Variants in PCDH11X observed in about 807,000 individuals in gnomAD.
The protein encoded by PCDH11X is protocadherin-11 X-linked.
In PCDH11X, 18 loss-of-function variants were observed where a neutral mutation model predicts 53.3. That is an observed-to-expected ratio of 0.34 (90% CI 0.23 to 0.50). The LOEUF is 0.50. PCDH11X is among the 20% of genes least tolerant of loss of function. The pLI, the probability that PCDH11X is intolerant of heterozygous loss-of-function variation, is 0.98. For synonymous variants in PCDH11X, 279 were observed against 393.3 expected (o/e 0.71, Z 3.44); for missense variants, 570 against 1,032.4 (o/e 0.55, Z 6.14).
chrX:92,013,073 A>G (rs1319772923), intron 6 of PCDH11X, among the ~76,000 whole-genome samples: 2 of 111,415 alleles, frequency 1.8e-5, no homozygotes, highest in Non-Finnish European at 3.8e-5. Context: ...TTCAATTAGG[A>G]AAAGAGGAAG....
At chrX:92,354,824 AAG>A (rs1194407388) in intron 8 of PCDH11X, among the ~76,000 whole-genome samples, 1 of 111,750 alleles carries the variant, frequency 8.9e-6, no homozygotes, top group African/African-American at 3.3e-5. Flanking sequence ...TACTCAGTAA[AAG>A]AGAGAAATTC....
At chrX:91,844,554 T>A (rs1036398761) in intron 5 of PCDH11X, among the ~76,000 whole-genome samples, 4 of 109,810 alleles carry the variant, frequency 3.6e-5, no homozygotes, top group Admixed American at 9.9e-5. Context: ...AGCTGAGAAC[T>A]TATTTTCCTA....
intron 6 of PCDH11X, among the ~76,000 whole-genome samples, chrX:92,121,046 A>G (rs954651638): frequency 8.9e-6 from 1 of 111,892 alleles, no homozygotes; most frequent in Non-Finnish European, 1.9e-5. Flanking sequence ...AAACAAACAT[A>G]TCTATTATTT....
chrX:92,377,826 T>A (rs1380793474), intron 8 of PCDH11X, among the ~76,000 whole-genome samples: 1 of 102,739 alleles, frequency 9.7e-6, no homozygotes, highest in Non-Finnish European at 2.0e-5. Context: ...TAAAGTGAAT[T>A]AAAAGTGAAC....
At chrX:92,222,144 A>ATT (rs67936112) in intron 7 of PCDH11X, among the ~76,000 whole-genome samples, 34 of 105,193 alleles carry the variant, frequency 3.2e-4, no homozygotes, top group Middle Eastern at 5.1e-3. Flanking sequence ...TCTTCAATAG[A>ATT]TTTTTTTTTT....
chrX:92,093,394 A>G (rs1291058270), intron 6 of PCDH11X, among the ~76,000 whole-genome samples: 2 of 111,484 alleles, frequency 1.8e-5, no homozygotes, highest in African/African-American at 6.5e-5. Flanking sequence ...TCAGAGAGAA[A>G]ACTATATTAA....
intron 7 of PCDH11X, among the ~76,000 whole-genome samples, chrX:92,256,781 A>G (rs1376250881): frequency 1.9e-4 from 21 of 109,904 alleles, no homozygotes; most frequent in Non-Finnish European, 3.4e-4. Flanking sequence ...CTCATGATTC[A>G]GCTCCCACTT....
chrX:91,815,024 A>G (rs1177134617), intron 4 of PCDH11X, among the ~76,000 whole-genome samples: 4 of 111,152 alleles, frequency 3.6e-5, no homozygotes, highest in Non-Finnish European at 5.7e-5. Context: ...TAACTCATTT[A>G]GTGCACAATA....
chrX:91,819,523 C>T (rs1005385822), intron 4 of PCDH11X, among the ~76,000 whole-genome samples: 1 of 109,306 alleles, frequency 9.1e-6, no homozygotes, highest in African/African-American at 3.3e-5. Flanking sequence ...TATTATAAAT[C>T]ACTCCGATTA....
intron 6 of PCDH11X, among the ~76,000 whole-genome samples, chrX:91,926,427 A>G (rs753602339): frequency 1.1e-3 from 126 of 111,044 alleles, no homozygotes; most frequent in African/African-American, 4.0e-3. Context: ...CATAAAATTA[A>G]CCATCACATG....
chrX:91,989,962 T>A lies in PCDH11X; in HGVS notation c.3033+110689T>A, dbSNP rs965850238. ...CACAAACTTCAGGCTCTGTTAATTTTTTTATAGGCTATTTTCTTTCTGTTG... is the reference window on the plus strand; with the variant it reads ...CACAAACTTCAGGCTCTGTTAATTTATTTATAGGCTATTTTCTTTCTGTTG... On this transcript the variant is annotated intron_variant, in intron 6 of 10. Coordinates refer to ENST00000682573, the MANE Select transcript of PCDH11X (RefSeq NM_032968.5). 2.7e-5 allele frequency among the ~76,000 whole-genome samples: 3 copies of A among 111,203 alleles called. No individual in the cohort carries two copies. In the Admixed American group the frequency reaches 2.9e-4, roughly 11 times the overall value.
rs1047903749 is a variant in PCDH11X, at chrX:91,968,912, A to G, written c.3033+89639A>G. On this transcript the variant is annotated intron_variant, in intron 6 of 10. Coordinates refer to ENST00000682573, the MANE Select transcript of PCDH11X (RefSeq NM_032968.5). The stretch of plus-strand genomic sequence containing the variant: ...GTTAATGTTGGTAGACGTCAATTCA[A>G]CTTAGAACTAAAAAAAGGCACGTCT... Among the ~76,000 whole-genome samples, 4 of 111,909 alleles carry G rather than the reference A, an allele frequency of 3.6e-5. No homozygotes were observed. In the Admixed American group the frequency reaches 3.8e-4, roughly 11 times the overall value.
chrX:92,322,711 C>T (rs1464916035), intron 8 of PCDH11X, among the ~76,000 whole-genome samples: 13 of 111,564 alleles, frequency 1.2e-4, no homozygotes, highest in Admixed American at 1.1e-3. Context: ...TAATAACGCT[C>T]TTATCAACAC....
chrX:92,299,611 A>G (rs2068680040), intron 8 of PCDH11X, among the ~76,000 whole-genome samples: 1 of 111,688 alleles, frequency 9.0e-6, no homozygotes. Flanking sequence ...ACACATGTTC[A>G]TAATAGTCTC....
chrX:92,286,389 T>C lies in PCDH11X; in HGVS notation c.3144+23246T>C, dbSNP rs1157358473. Among the ~76,000 whole-genome samples the C allele has an allele frequency of 9.2e-5, 10 of 108,450 alleles. No individual in the cohort carries two copies. In the Admixed American group the frequency reaches 9.9e-4, roughly 11 times the overall value. The allele number at this position is 108,450 out of a possible 115,157, so 94.2% of individuals were successfully genotyped here. On this transcript the variant is annotated intron_variant, in intron 8 of 10. Transcript: ENST00000682573. The stretch of plus-strand genomic sequence containing the variant: ...AGGTTAACAGAAAGTCCAGCTGACA[T>C]TTTGAAAAATAAAGTGAGAAGTTAA...
chrX:92,417,453 T>A (rs1280864541), intron 9 of PCDH11X, among the ~76,000 whole-genome samples: 1 of 110,907 alleles, frequency 9.0e-6, no homozygotes, highest in East Asian at 2.8e-4. Context: ...ATGTCTGTAA[T>A]TGAATTATGA....
intron 6 of PCDH11X, among the ~76,000 whole-genome samples, chrX:92,000,422 T>C (rs1179137929): frequency 9.1e-6 from 1 of 109,710 alleles, no homozygotes; most frequent in Non-Finnish European, 1.9e-5. Flanking sequence ...TACATTCTTA[T>C]TTCCTTTTAA....
chrX:92,042,634 C>CT (rs3865918), intron 6 of PCDH11X, among the ~76,000 whole-genome samples: 3,524 of 59,112 alleles, frequency 0.06, 264 homozygotes, highest in Non-Finnish European at 0.064. Context: ...AAAGTTGTTG[C>CT]TTTTTTTTTT....
At chrX:92,557,426 T>C (rs1417694644) in intron 10 of PCDH11X, among the ~76,000 whole-genome samples, 1 of 110,390 alleles carries the variant, frequency 9.1e-6, no homozygotes, top group African/African-American at 3.3e-5. Context: ...CACAGATCTC[T>C]AGAGCAGGGG....
Sources: allele counts gnomAD v4.1 joint callset (sites outside exome capture counted in the v4.1 genomes callset), GRCh38; gene constraint gnomAD v4.1.1; transcripts MANE v1.5; gene names NCBI Gene and HGNC (gene_info 2026-07-23, HGNC 2026-07-21).